Variants in TRIO observed in about 807,000 individuals in gnomAD.
TRIO encodes the protein trio Rho guanine nucleotide exchange factor, also known as triple functional domain protein.
A neutral mutation model predicts 351.9 loss-of-function variants in TRIO; 58 were observed. The ratio of observed to expected loss-of-function variants is 0.16; its 90% confidence interval spans 0.13 to 0.21. TRIO has a LOEUF of 0.21. Ranked by LOEUF, TRIO falls within the 10% of genes least tolerant of loss-of-function variation. TRIO has a pLI of 1.00. For synonymous variants in TRIO, 1,758 were observed against 1,595.7 expected (o/e 1.10, Z -2.42); for missense variants, 3,201 against 4,027.8 (o/e 0.79, Z 5.56).
At chr5:14,162,982 TTTTG>T (rs1219057008) in intron 1 of TRIO, among the ~76,000 whole-genome samples, 10 of 152,192 alleles carry the variant, frequency 6.6e-5, no homozygotes, top group African/African-American at 1.4e-4. Context: ...AATTTTTATT[TTTTG>T]TTTGTTTGTT....
rs1394971633 is a variant in TRIO at position 14,485,126 on chromosome 5, A to G, written c.6715A>G (p.Thr2239Ala). The G allele has an allele frequency of 4.4e-6, 7 of 1,588,444 alleles. No individual in the cohort carries two copies. Among genetic ancestry groups the G allele is most frequent in the Non-Finnish European group, 6.0e-6 (7 of 1,160,604 alleles). The change falls in exon 47 of 57, where the codon ACA becomes GCA. Residue 2239 changes from threonine to alanine, a missense_variant. By Grantham distance (58) the Thr-to-Ala change is moderately conservative. Transcript: ENST00000344204. ...AAATGATCCCTGTAAATTTGCTCTG[A>G]CATCGAGGACGGGTGACGTGGTAGA... Reference protein sequence around the residue: ...VENDPCKFALTSRTGDVVETF... With the variant: ...VENDPCKFALASRTGDVVETF...
In TRIO at chr5:14,497,085, A is replaced by G; in HGVS notation, c.8019+68A>G. The G allele has an allele frequency of 1.3e-6, 2 of 1,581,558 alleles. No homozygotes were observed. Among genetic ancestry groups the G allele is most frequent in the Non-Finnish European group, 1.7e-6 (2 of 1,163,058 alleles). On this transcript the variant is annotated intron_variant, in intron 50 of 56. Transcript: ENST00000344204. The surrounding 1 kb of genome is among the most constrained non-coding windows in gnomAD (Gnocchi z 4.4). Reference sequence around the variant, plus strand: ...AGAGAAAGGATCAGGGAGGGCAGAGACTCTGCAGACCTGAAGCTGGGCTTG... The same window carrying G: ...AGAGAAAGGATCAGGGAGGGCAGAGGCTCTGCAGACCTGAAGCTGGGCTTG...
At chr5:14,229,628 G>A (rs1793280761) in intron 1 of TRIO, among the ~76,000 whole-genome samples, 3 of 152,132 alleles carry the variant, frequency 2.0e-5, no homozygotes. Flanking sequence ...TTCAAGGCTG[G>A]GTCCAGGTGG....
Position 14,476,885 on chromosome 5 carries a change from T to C in TRIO, c.6084-9T>C. The C allele has an allele frequency of 1.9e-6, 3 of 1,612,282 alleles. No individual in the cohort carries two copies. The highest frequency in any genetic ancestry group is 2.5e-6 in the Non-Finnish European group (3 of 1,179,026). On this transcript the variant is annotated splice_polypyrimidine_tract_variant and intron_variant, in intron 40 of 56. Coordinates refer to ENST00000344204, the MANE Select transcript of TRIO (RefSeq NM_007118.4). ...GAAATAGTTCTAATATTTTCTCCTTTCTTTCCAGCTTTTTTTTAGGAGAGT... is the reference window on the plus strand; with the variant it reads ...GAAATAGTTCTAATATTTTCTCCTTCCTTTCCAGCTTTTTTTTAGGAGAGT...
At chr5:14,173,008 T>C (rs981955638) in intron 1 of TRIO, among the ~76,000 whole-genome samples, 1 of 152,122 alleles carries the variant, frequency 6.6e-6, no homozygotes, top group Non-Finnish European at 1.5e-5. Flanking sequence ...GCCCCTCTGA[T>C]GGCTTCTAAA....
chr5:14,264,438 C>T (rs1422327018), intron 1 of TRIO, among the ~76,000 whole-genome samples: 1 of 151,968 alleles, frequency 6.6e-6, no homozygotes, highest in Non-Finnish European at 1.5e-5. Flanking sequence ...CGTCCATATT[C>T]TTGTGTGGTC....
chr5:14,275,924 TTA>T (rs991706288), intron 2 of TRIO, among the ~76,000 whole-genome samples: 16 of 147,802 alleles, frequency 1.1e-4, no homozygotes, highest in African/African-American at 2.5e-4. Flanking sequence ...ATATGTATGT[TTA>T]TATATATGTG....
chr5:14,346,850 A>C (rs868164562), intron 11 of TRIO, among the ~76,000 whole-genome samples: 1 of 151,988 alleles, frequency 6.6e-6, no homozygotes, highest in Non-Finnish European at 1.5e-5. Flanking sequence ...CGAGACCAAA[A>C]CTCTCCTCAT....
At chr5:14,353,333 A>G (rs1375207110) in intron 11 of TRIO, among the ~76,000 whole-genome samples, 1 of 141,094 alleles carries the variant, frequency 7.1e-6, no homozygotes, top group South Asian at 2.2e-4. Flanking sequence ...GCATGATCTC[A>G]GTTCACTGCA....
At chr5:14,372,027 T>A (rs1745155412) in intron 18 of TRIO, among the ~76,000 whole-genome samples, 1 of 152,210 alleles carries the variant, frequency 6.6e-6, no homozygotes, top group Non-Finnish European at 1.5e-5. Flanking sequence ...TTTGAATCAC[T>A]TTTAATCTAA....
intron 1 of TRIO, among the ~76,000 whole-genome samples, chr5:14,259,232 G>A (rs781006882): frequency 2.6e-5 from 4 of 152,144 alleles, no homozygotes; most frequent in Non-Finnish European, 5.9e-5. Flanking sequence ...GTCCATCACA[G>A]CAAATCTGTT....
intron 1 of TRIO, among the ~76,000 whole-genome samples, chr5:14,265,804 G>T (rs1795637178): frequency 6.6e-6 from 1 of 152,212 alleles, no homozygotes; most frequent in South Asian, 2.1e-4. Context: ...TCAGTGGAAA[G>T]ATATTTCACT....
At chr5:14,352,294 C>T (rs1157115080) in intron 11 of TRIO, among the ~76,000 whole-genome samples, 4 of 152,348 alleles carry the variant, frequency 2.6e-5, no homozygotes, top group South Asian at 2.1e-4. Context: ...TTGCCTAACC[C>T]TGTGGCTGCC....
intron 21 of TRIO, among the ~76,000 whole-genome samples, chr5:14,383,036 A>G (rs760551890): frequency 6.6e-6 from 1 of 152,168 alleles, no homozygotes; most frequent in Non-Finnish European, 1.5e-5. Flanking sequence ...GTGCATCCTC[A>G]AACTTCTGAG....
chr5:14,302,937 A>C (rs150604615), intron 7 of TRIO, among the ~76,000 whole-genome samples: 17 of 152,346 alleles, frequency 1.1e-4, no homozygotes, highest in African/African-American at 2.9e-4. Context: ...TTTCGATAGG[A>C]TCTCCCTAGG....
At chr5:14,155,979 T>C (rs1788080429) in intron 1 of TRIO, among the ~76,000 whole-genome samples, 1 of 152,220 alleles carries the variant, frequency 6.6e-6, no homozygotes, top group Non-Finnish European at 1.5e-5. Context: ...TCCTTTTGTA[T>C]TTAGTTGACT....
Position 14,381,186 on chromosome 5 carries a change from G to A in TRIO, c.3504G>A (p.Thr1168=), listed in dbSNP as rs746787208. The A allele has an allele frequency of 2.4e-5, 38 of 1,613,924 alleles. No homozygotes were observed. Among genetic ancestry groups the A allele is most frequent in the African/African-American group, 5.3e-5 (4 of 74,874 alleles). The change falls in exon 21 of 57, where the codon ACG becomes ACA. Residue 1168 remains threonine (T), a synonymous_variant. Coordinates refer to ENST00000344204, the MANE Select transcript of TRIO (RefSeq NM_007118.4). ...TCTACCTTTCCACACACACCTCCAC[G>A]GGCTCCAGTATACAGCACACCCAGG... ...GEFYLSTHTS[T]GSSIQHTQEL...
intron 1 of TRIO, among the ~76,000 whole-genome samples, chr5:14,227,882 T>C (rs1017477933): frequency 6.6e-6 from 1 of 152,246 alleles, no homozygotes; most frequent in African/African-American, 2.4e-5. Flanking sequence ...AAGTCTCTTA[T>C]GAGTAAAATT....
chr5:14,397,211 G>A, intron 29 of TRIO, 57 bp downstream of exon 29: 1 of 1,384,072 alleles, frequency 7.2e-7, no homozygotes, highest in East Asian at 2.4e-5. Flanking sequence ...GACACTGTTT[G>A]TAAATGGATT....
Sources: allele counts gnomAD v4.1 joint callset (sites outside exome capture counted in the v4.1 genomes callset), GRCh38; gene constraint gnomAD v4.1.1; non-coding constraint Gnocchi (gnomAD v3.1); transcripts MANE v1.5; gene names NCBI Gene and HGNC (gene_info 2026-07-23, HGNC 2026-07-21).